The following TMEM272 variants were observed in gnomAD, a reference collection of about 807,000 sequenced individuals.
The protein encoded by TMEM272 is long intergenic non-protein coding RNA 282.
A neutral mutation model predicts 3.7 loss-of-function variants in TMEM272; 8 were observed. The ratio of observed to expected loss-of-function variants is 2.17; its 90% CI spans 1.27 to 3.91. The LOEUF is 3.91. Ranked by LOEUF, TMEM272 falls within the 30% of genes most tolerant of loss-of-function variation. The probability of loss-of-function intolerance (pLI) is 0.00; values close to 1 mark genes in which losing one functional copy is unlikely to be tolerated. For synonymous variants in TMEM272, 63 were observed against 39.8 expected (o/e 1.58, Z -2.20); for missense variants, 166 against 91.5 (o/e 1.81, Z -3.32).
the TMEM272 span, among the ~76,000 whole-genome samples, chr13:51,921,911 C>CGTGTGTGTGTGTAT: frequency 2.6e-5 from 4 of 151,902 alleles, no homozygotes; most frequent in East Asian, 7.7e-4. Flanking sequence ...CCACTGTGTG[C>CGTGTGTGTGTGTAT]GTGTGTGTGT....
At position 51,816,653 on chromosome 13, in the gene TMEM272, C is replaced by CTG. The variant is rs111925186; in HGVS notation, c.*96_*97dup. 0.036 allele frequency: 20,575 copies of CTG among 566,194 alleles called. 104 individuals carry two copies. The highest frequency in any genetic ancestry group is 0.042 in the Non-Finnish European group (13,269 of 314,208). 35.1% of individuals were successfully genotyped at this position (566,194 alleles called of 1,614,324 possible). ...ATTACCTTTATGCCCTTCTCTGAAC[C>CTG]TGTGTGTGTGTGTGTGTGTGTGTGC... On this transcript the variant is annotated 3_prime_UTR_variant, in exon 5 of 5. Coordinates refer to ENST00000629372, the MANE Select transcript of TMEM272 (RefSeq NM_001351003.2).
the TMEM272 span, among the ~76,000 whole-genome samples, chr13:51,861,399 G>A: frequency 6.6e-6 from 1 of 152,034 alleles, no homozygotes; most frequent in South Asian, 2.1e-4. Context: ...TGATGGATAT[G>A]TTAATTTACT....
In TMEM272 at chr13:51,838,466, G is replaced by A. The variant is rs1274424174; in HGVS notation, c.58+7C>T. On this transcript the variant is annotated splice_region_variant and intron_variant, in intron 2 of 4. Coordinates refer to ENST00000629372, the MANE Select transcript of TMEM272 (RefSeq NM_001351003.2). ...AAACCAGGGCATTTCTCAGAGTTGT[G>A]ACTCACCATTGCTGGCGATTTTAGA... 9 of 703,024 alleles carry A rather than the reference G, an allele frequency of 1.3e-5. No homozygotes were observed. The highest frequency in any genetic ancestry group is 2.3e-5 in the Non-Finnish European group (9 of 385,008). The allele number at this position is 703,024 out of a possible 1,614,324, so 43.5% of individuals were successfully genotyped here.
chr13:51,827,451 G>A (rs999897155), intron 2 of TMEM272, among the ~76,000 whole-genome samples: 2 of 152,150 alleles, frequency 1.3e-5, no homozygotes, highest in Non-Finnish European at 2.9e-5. Context: ...TTGCTTCTTG[G>A]TTTCCTCATC....
chr13:51,845,548 T>G (rs1437577604), upstream of TMEM272, among the ~76,000 whole-genome samples: 4 of 152,178 alleles, frequency 2.6e-5, no homozygotes, highest in African/African-American at 4.8e-5. Flanking sequence ...ACTTCAGGAC[T>G]GCCACGTAGA....
the TMEM272 span, chr13:51,933,506 G>A: frequency 6.6e-6 from 1 of 152,246 alleles, no homozygotes; most frequent in Non-Finnish European, 1.5e-5. Flanking sequence ...TGCTCCCAAA[G>A]GGTTCTGTCA....
the TMEM272 span, among the ~76,000 whole-genome samples, chr13:51,878,090 G>A: frequency 0.092 from 14,028 of 152,166 alleles, 783 homozygotes; most frequent in African/African-American, 0.14. Flanking sequence ...TTCACATGGC[G>A]GCAGGGAGAA....
At chr13:51,873,300 C>A in the TMEM272 span, among the ~76,000 whole-genome samples, 1 of 152,260 alleles carries the variant, frequency 6.6e-6, no homozygotes, top group East Asian at 1.9e-4. Context: ...CTACTACATA[C>A]CCAGCTGTGA....
At chr13:51,897,924 C>G in the TMEM272 span, among the ~76,000 whole-genome samples, 3 of 1,842 alleles carry the variant, frequency 1.6e-3, 1 homozygote, top group Admixed American at 0.023. Context: ...GAGACTCCAT[C>G]TCAAAAAAAA....
chr13:51,870,652 T>A, the TMEM272 span, among the ~76,000 whole-genome samples: 1 of 152,004 alleles, frequency 6.6e-6, no homozygotes, highest in South Asian at 2.1e-4. Flanking sequence ...GAGGAATGAG[T>A]GGAAACGGAA....
the TMEM272 span, among the ~76,000 whole-genome samples, chr13:51,927,625 C>T: frequency 2.6e-5 from 4 of 152,202 alleles, no homozygotes; most frequent in Non-Finnish European, 5.9e-5. Context: ...CATCTCCACA[C>T]TCTTGTTCAC....
At chr13:51,902,698 C>CT in the TMEM272 span, among the ~76,000 whole-genome samples, 1 of 152,234 alleles carries the variant, frequency 6.6e-6, no homozygotes, top group Admixed American at 6.5e-5. Flanking sequence ...GATGGACAGT[C>CT]TGTGGGCAAC....
At chr13:51,876,117 G>C in the TMEM272 span, among the ~76,000 whole-genome samples, 2 of 152,110 alleles carry the variant, frequency 1.3e-5, no homozygotes, top group South Asian at 4.1e-4. Context: ...TCCTGGGGGT[G>C]TTCCCCCCAA....
intron 2 of TMEM272, among the ~76,000 whole-genome samples, chr13:51,837,543 G>A (rs1956226071): frequency 6.6e-6 from 1 of 152,166 alleles, no homozygotes; most frequent in Non-Finnish European, 1.5e-5. Context: ...GAATGAGATG[G>A]GCACTGGGCC....
chr13:51,852,880 CAAA>C, the TMEM272 span, among the ~76,000 whole-genome samples: 63 of 110,668 alleles, frequency 5.7e-4, no homozygotes, highest in African/African-American at 1.6e-3. Flanking sequence ...AAAACTCCGT[CAAA>C]AAAAAAAAAA....
At chr13:51,892,825 G>C in the TMEM272 span, among the ~76,000 whole-genome samples, 1 of 152,072 alleles carries the variant, frequency 6.6e-6, no homozygotes, top group African/African-American at 2.4e-5. Flanking sequence ...CTCCGTCCTA[G>C]CAGTGGTAAT....
At chr13:51,931,778 G>A in the TMEM272 span, among the ~76,000 whole-genome samples, 1 of 152,118 alleles carries the variant, frequency 6.6e-6, no homozygotes, top group Non-Finnish European at 1.5e-5. Context: ...AGTCAAGCAC[G>A]CATGGCATGA....
intron 2 of TMEM272, among the ~76,000 whole-genome samples, chr13:51,828,860 G>T (rs892447401): frequency 6.6e-6 from 1 of 152,222 alleles, no homozygotes; most frequent in East Asian, 1.9e-4. Flanking sequence ...GCAGGGGGCT[G>T]ACAGTCCTGA....
intron 2 of TMEM272, among the ~76,000 whole-genome samples, chr13:51,834,650 T>A (rs2078320640): frequency 6.6e-6 from 1 of 152,176 alleles, no homozygotes; most frequent in African/African-American, 2.4e-5. Flanking sequence ...GAGTCACGGT[T>A]CCTTCACCCA....
Sources: allele counts gnomAD v4.1 joint callset (sites outside exome capture counted in the v4.1 genomes callset), GRCh38; gene constraint gnomAD v4.1.1; transcripts MANE v1.5; gene names NCBI Gene and HGNC (gene_info 2026-07-23, HGNC 2026-07-21).